Variants in FNIP2 observed in about 807,000 individuals in gnomAD.
The protein encoded by FNIP2 is folliculin interacting protein 2.
A neutral mutation model predicts 108.7 loss-of-function variants in FNIP2; 32 were observed. That is an observed-to-expected ratio of 0.29 (90% CI 0.22 to 0.40). The LOEUF (loss-of-function observed/expected upper bound fraction) is 0.40, where lower values mean the gene tolerates loss of function less well. Ranked by LOEUF, FNIP2 falls within the 10% of genes least tolerant of loss-of-function variation. The pLI is 1.00. For synonymous variants in FNIP2, 480 were observed against 496.7 expected, an observed-to-expected ratio of 0.97 and a Z score of 0.45; for missense variants, 1,202 against 1,381.6, an observed-to-expected ratio of 0.87 and a Z score of 2.06.
chr4:158,833,306 G>A (rs191962920), intron 5 of FNIP2, among the ~76,000 whole-genome samples: 9 of 152,180 alleles, frequency 5.9e-5, no homozygotes, highest in African/African-American at 1.7e-4. Flanking sequence ...TTAGTTACAC[G>A]GGTTGAGCTA....
At chr4:158,814,457 A>G (rs1777453793) in intron 1 of FNIP2, among the ~76,000 whole-genome samples, 1 of 152,234 alleles carries the variant, frequency 6.6e-6, no homozygotes, top group African/African-American at 2.4e-5. Context: ...TTATTTGTGC[A>G]TGTGCTGTGC....
In FNIP2 at chr4:158,831,953, C is replaced by T. The variant is rs1478050781; in HGVS notation, c.474C>T (p.His158=). Residue 158 remains histidine (H), a synonymous_variant, in exon 4 of 17, where the codon CAC becomes CAT. Transcript: ENST00000264433. The part of the protein sequence containing the change: ...MSYKGSTLKI[H]YIRSPPQLMI... ...ACAAAGGCTCCACCTTAAAGATACA[C>T]TACATACGGTGAGTCTGGGCTTCCT... 4 of 1,609,536 alleles carry T rather than the reference C, an allele frequency of 2.5e-6. No individual in the cohort carries two copies. Among genetic ancestry groups the T allele is most frequent in the African/African-American group, 1.3e-5 (1 of 74,872 alleles).
At position 158,868,503 on chromosome 4, in the gene FNIP2, G is replaced by A. The variant is rs1001263302; in HGVS notation, c.1867G>A (p.Glu623Lys). 22 of 1,613,898 alleles carry A rather than the reference G, an allele frequency of 1.4e-5. No homozygotes were observed. Among genetic ancestry groups the A allele is most frequent in the Non-Finnish European group, 1.9e-5 (22 of 1,179,900 alleles). The change falls in exon 13 of 17, where the codon GAG becomes AAG. Residue 623 changes from glutamate to lysine, a missense_variant. Glu to Lys is a moderately conservative substitution (Grantham distance 56). Transcript: ENST00000264433. This position sits in a 1 kb window ranked among gnomAD's most constrained non-coding sequence, Gnocchi z 4.6. ...KPDKEANRRP[E>K]QGSEACSAGC... ...TGACAAAGAAGCTAACAGGAGGCCA[G>A]AGCAGGGTTCTGAGGCTTGCAGCGC...
Position 158,904,719 on chromosome 4 carries a change from T to C in FNIP2, c.*175T>C. ...GCTGATGCTTCATTGAAGACTTAGG[T>C]TTACTTGACATAATAGCATTTGTGA... On this transcript the variant is annotated 3_prime_UTR_variant, in exon 17 of 17. Coordinates refer to ENST00000264433, the MANE Select transcript of FNIP2 (RefSeq NM_020840.3). 1.7e-6 allele frequency: 1 copy of C among 599,964 alleles called. No homozygotes were observed. The highest frequency in any genetic ancestry group is 3.0e-6 in the Non-Finnish European group (1 of 338,612). The allele number at this position is 599,964 out of a possible 1,614,324, so 37.2% of individuals were successfully genotyped here. A position where few individuals can be genotyped will look rare whatever the true frequency, so the allele number is the denominator to read the frequency against.
intron 7 of FNIP2, among the ~76,000 whole-genome samples, chr4:158,843,811 A>G (rs186056048): frequency 8.7e-4 from 133 of 152,308 alleles, no homozygotes; most frequent in South Asian, 4.1e-3. Flanking sequence ...TTCCACATGT[A>G]TTTGAATGGC....
intron 16 of FNIP2, among the ~76,000 whole-genome samples, chr4:158,899,004 T>G (rs934022503): frequency 6.6e-6 from 1 of 152,234 alleles, no homozygotes; most frequent in Admixed American, 6.5e-5. Flanking sequence ...CTTATTATTT[T>G]GGGATACGTT....
At position 158,769,333 on chromosome 4, in the gene FNIP2, G is replaced by T. The variant is rs1251174955; in HGVS notation, c.107+14G>T. On this transcript the variant is annotated intron_variant, in intron 1 of 16. Coordinates refer to ENST00000264433, the MANE Select transcript of FNIP2 (RefSeq NM_020840.3). ...ACCCGCCTTTAGGTGAGGGGGCGCC[G>T]GGGGGCAATTCTGGCGCGGGACCCG... The T allele has an allele frequency of 9.6e-6, 14 of 1,462,332 alleles. No individual in the cohort carries two copies. The highest frequency in any genetic ancestry group is 1.5e-5 in the African/African-American group (1 of 68,506). The allele number at this position is 1,462,332 out of a possible 1,614,324, so 90.6% of individuals were successfully genotyped here. A position where few individuals can be genotyped will look rare whatever the true frequency, so the allele number is the denominator to read the frequency against.
intron 8 of FNIP2, among the ~76,000 whole-genome samples, chr4:158,853,490 T>C (rs944236891): frequency 2.0e-5 from 3 of 152,224 alleles, no homozygotes; most frequent in Non-Finnish European, 2.9e-5. Context: ...ACTTGTCATT[T>C]ACATTAGGTA....
intron 7 of FNIP2, among the ~76,000 whole-genome samples, chr4:158,849,247 T>C (rs1779570224): frequency 1.3e-5 from 2 of 152,134 alleles, no homozygotes; most frequent in Non-Finnish European, 2.9e-5. Context: ...GTGACTTGCC[T>C]TAATGAAGAG....
intron 1 of FNIP2, among the ~76,000 whole-genome samples, chr4:158,802,229 G>A (rs1776786525): frequency 6.6e-6 from 1 of 152,116 alleles, no homozygotes; most frequent in Non-Finnish European, 1.5e-5. Context: ...GCAAGGAGAA[G>A]GCATTATGGA....
At chr4:158,795,275 AAT>A (rs1249548463) in intron 1 of FNIP2, among the ~76,000 whole-genome samples, 1 of 152,242 alleles carries the variant, frequency 6.6e-6, no homozygotes, top group African/African-American at 2.4e-5. Context: ...AGCCTTAGTA[AAT>A]ATGACAGAAA....
chr4:158,837,953 A>AG (rs1431317363), intron 7 of FNIP2, among the ~76,000 whole-genome samples: 3 of 152,196 alleles, frequency 2.0e-5, no homozygotes, highest in African/African-American at 7.2e-5. Flanking sequence ...TATCATACCT[A>AG]GGAGTGGTTC....
chr4:158,825,614 C>G (rs1252936731), intron 1 of FNIP2, among the ~76,000 whole-genome samples: 1 of 152,244 alleles, frequency 6.6e-6, no homozygotes, highest in Non-Finnish European at 1.5e-5. Flanking sequence ...TGATTTCTGA[C>G]TGCCATCTGT....
At chr4:158,851,264 T>G in intron 7 of FNIP2, 57 bp from the exon 8 acceptor site, 1 of 1,590,126 alleles carries the variant, frequency 6.3e-7, no homozygotes, top group Non-Finnish European at 8.6e-7. Flanking sequence ...TTGTGCATTA[T>G]GTAGCTACAT....
chr4:158,900,344 A>G (rs1729089851), intron 16 of FNIP2, among the ~76,000 whole-genome samples: 1 of 152,190 alleles, frequency 6.6e-6, no homozygotes, highest in Non-Finnish European at 1.5e-5. Context: ...AGTTCTGTAG[A>G]TGTCTATTAG....
intron 15 of FNIP2, 62 bp from the exon 16 acceptor site, chr4:158,895,688 T>C (rs1423823255): frequency 2.0e-6 from 2 of 1,019,646 alleles, no homozygotes; most frequent in Non-Finnish European, 3.0e-6. Context: ...AAATTCTGAC[T>C]CTTAAAATAT....
intron 1 of FNIP2, chr4:158,806,551 G>A (rs1776969582): frequency 3.5e-6 from 2 of 568,626 alleles, no homozygotes; most frequent in East Asian, 1.4e-4. Context: ...AGGAGAAATG[G>A]GGTTATTGGT....
intron 12 of FNIP2, among the ~76,000 whole-genome samples, chr4:158,864,786 A>G (rs115706525): frequency 2.4e-3 from 358 of 148,922 alleles, no homozygotes; most frequent in African/African-American, 8.1e-3. Context: ...TACATGTTTT[A>G]CCCTCCTGGC....
chr4:158,893,196 A>T (rs1331112326), intron 15 of FNIP2: 1 of 152,838 alleles, frequency 6.5e-6, no homozygotes, highest in African/African-American at 2.4e-5. Flanking sequence ...AATTAGGGAT[A>T]TAACTGCTTT....
Sources: gnomAD v4.1 joint callset for allele counts (sites outside exome capture counted in the v4.1 genomes callset) on GRCh38, gnomAD v4.1.1 for gene constraint, Gnocchi (gnomAD v3.1) non-coding constraint, MANE v1.5 for transcripts, NCBI Gene and HGNC (gene_info 2026-07-23, HGNC 2026-07-21) for gene names.